Variants in ARHGAP40 observed in about 807,000 individuals in gnomAD.
ARHGAP40 encodes the protein rho GTPase-activating protein 40.
ARHGAP40 carries 43 observed loss-of-function variants against 73.5 expected under a neutral mutation model. The ratio of observed to expected loss-of-function variants is 0.58; its 90% CI spans 0.46 to 0.75. ARHGAP40 has a LOEUF of 0.75. ARHGAP40 is among the 30% of genes least tolerant of loss of function. ARHGAP40 has a pLI of 0.00. For missense variants in ARHGAP40, 734 were observed against 861.8 expected, an observed-to-expected ratio of 0.85 and a Z score of 1.86; for synonymous variants, 300 against 352.8, an observed-to-expected ratio of 0.85 and a Z score of 1.68.
intron 1 of ARHGAP40, among the ~76,000 whole-genome samples, chr20:38,611,763 A>C (rs2088806462): frequency 6.7e-6 from 1 of 150,238 alleles, no homozygotes; most frequent in Admixed American, 6.6e-5. Flanking sequence ...TTTAGTAGAG[A>C]TAGGGTTTCA....
At chr20:38,641,100 G>A (rs117258249) in intron 9 of ARHGAP40, among the ~76,000 whole-genome samples, 7,763 of 151,756 alleles carry the variant, frequency 0.051, 273 homozygotes, top group Middle Eastern at 0.16. Flanking sequence ...AGGGAGGGAG[G>A]AAGGAAGGAA....
At position 38,646,432 on chromosome 20, in the gene ARHGAP40, C is replaced by T. The variant is rs529209175; in HGVS notation, c.1710+245C>T. Among the ~76,000 whole-genome samples, 6 of 152,162 alleles carry T rather than the reference C, an allele frequency of 3.9e-5. No individual in the cohort carries two copies. Among genetic ancestry groups the T allele is most frequent in the African/African-American group, 1.4e-4 (6 of 41,438 alleles). ...GGAGACTTCCCCTAGAAACCGTCACCGCCGCCCCATTTTTCGGCAGCCCCT... is the reference window on the plus strand; with the variant it reads ...GGAGACTTCCCCTAGAAACCGTCACTGCCGCCCCATTTTTCGGCAGCCCCT... On this transcript the variant is annotated intron_variant, in intron 12 of 14. Transcript: ENST00000373345. The surrounding 1 kb of genome is among the most constrained non-coding windows in gnomAD (Gnocchi z 4.5).
At chr20:38,644,023 C>T (rs2089036515) in intron 11 of ARHGAP40, 113 bp downstream of exon 11, 1 of 956,736 alleles carries the variant, frequency 1.0e-6, no homozygotes, top group South Asian at 1.7e-5. Flanking sequence ...CTTCCAGGAC[C>T]TTTGTTGGCC....
At chr20:38,618,421 T>C (rs1271302952) in intron 1 of ARHGAP40, among the ~76,000 whole-genome samples, 1 of 152,142 alleles carries the variant, frequency 6.6e-6, no homozygotes, top group African/African-American at 2.4e-5. Context: ...GTTCTTGACT[T>C]CTAAATTTAC....
At chr20:38,616,223 C>A (rs2088837261) in intron 1 of ARHGAP40, among the ~76,000 whole-genome samples, 1 of 152,258 alleles carries the variant, frequency 6.6e-6, no homozygotes, top group South Asian at 2.1e-4. Context: ...CTCACCTTCC[C>A]CCAGATTCCC....
chr20:38,610,251 C>T (rs6123881), intron 1 of ARHGAP40, among the ~76,000 whole-genome samples: 94,286 of 151,200 alleles, frequency 0.62, 33,387 homozygotes, highest in East Asian at 0.86. Context: ...ACTGTGCCAC[C>T]CCCCTACCCC....
In ARHGAP40 at chr20:38,615,102, G is replaced by A. The variant is rs970222453; in HGVS notation, c.138-8257G>A. ...AGACACTCGGAGTTTGGCTATACGA[G>A]TGTCCCATATATCCTTGACCAGGGT... On this transcript the variant is annotated intron_variant, in intron 1 of 14. Coordinates refer to ENST00000373345, the Ensembl canonical transcript of ARHGAP40. The A allele has an allele frequency of 1.7e-5, 16 of 942,884 alleles. No homozygotes were observed. In the East Asian group the frequency reaches 3.8e-4, roughly 22 times the overall value. 58.4% of individuals were successfully genotyped at this position (942,884 alleles called of 1,614,324 possible). A position where few individuals can be genotyped will look rare whatever the true frequency, so the allele number is the denominator to read the frequency against.
chr20:38,608,556 A>C (rs187079646), intron 1 of ARHGAP40, among the ~76,000 whole-genome samples: 1 of 152,282 alleles, frequency 6.6e-6, no homozygotes, highest in East Asian at 1.9e-4. Flanking sequence ...TCTGTATACT[A>C]TCACACAATC....
chr20:38,624,183 A>G (rs1226715909), intron 2 of ARHGAP40, among the ~76,000 whole-genome samples: 1 of 152,116 alleles, frequency 6.6e-6, no homozygotes. Flanking sequence ...AAGATTTCTC[A>G]TCTATGTGCC....
At chr20:38,609,766 G>A (rs1344814682) in intron 1 of ARHGAP40, among the ~76,000 whole-genome samples, 1 of 152,226 alleles carries the variant, frequency 6.6e-6, no homozygotes, top group Non-Finnish European at 1.5e-5. Context: ...GAGGGAGCCT[G>A]GTGCCTCTGA....
rs903308398 is a variant in ARHGAP40, at chr20:38,629,419, G to T, written c.635-83G>T. On this transcript the variant is annotated intron_variant, in intron 4 of 14. Transcript: ENST00000373345. ...TGGGAGCTCACTTCTTAGGACTAAG[G>T]GCCTAAGTCCCGAACCCAAGCACTT... 1.5e-5 allele frequency: 19 copies of T among 1,264,780 alleles called. No individual in the cohort carries two copies. The Middle Eastern group carries it at 6.8e-4, about 45-fold the overall frequency. The allele number at this position is 1,264,780 out of a possible 1,614,324, so 78.3% of individuals were successfully genotyped here.
intron 5 of ARHGAP40, among the ~76,000 whole-genome samples, chr20:38,633,564 A>T (rs1255207187): frequency 6.6e-6 from 1 of 152,180 alleles, no homozygotes; most frequent in Non-Finnish European, 1.5e-5. Context: ...ATTTGCGTGC[A>T]CTCACAGGTA....
rs2089059422 is a variant in ARHGAP40, at chr20:38,647,124, AC to A, written c.1879del (p.His627ThrfsTer31). The A allele has an allele frequency of 7.7e-7, 1 of 1,303,868 alleles. No homozygotes were observed. Among genetic ancestry groups the A allele is most frequent in the African/African-American group, 1.5e-5 (1 of 65,818 alleles). 80.8% of individuals were successfully genotyped at this position (1,303,868 alleles called of 1,614,324 possible). On this transcript the variant is annotated frameshift_variant and splice_region_variant, in exon 13 of 15. Transcript: ENST00000373345. LOFTEE classifies it high-confidence loss of function. ...GTGAGGACATGGACAGCCTCCTTCT[AC>A]AGTAAGAGGCACCTCCTGGAGGCAG...
At position 38,643,927 on chromosome 20, in the gene ARHGAP40, G is replaced by A. The variant is rs754601176; in HGVS notation, c.1569+17G>A. The A allele has an allele frequency of 1.3e-4, 162 of 1,282,970 alleles. No homozygotes were observed. Among genetic ancestry groups the A allele is most frequent in the South Asian group, 2.3e-4 (18 of 77,596 alleles). The allele number at this position is 1,282,970 out of a possible 1,614,324, so 79.5% of individuals were successfully genotyped here. ...CTGTGGACGGTGAGTGCTGCTGGGC[G>A]CTGGGTATCCCTCTGGGTGCAGCTG... is the stretch of plus-strand genomic sequence containing the variant. On this transcript the variant is annotated intron_variant, in intron 11 of 14. Transcript: ENST00000373345.
chr20:38,632,125 A>G (rs940873484), intron 5 of ARHGAP40, among the ~76,000 whole-genome samples: 10 of 151,648 alleles, frequency 6.6e-5, no homozygotes, highest in Non-Finnish European at 1.5e-4. Flanking sequence ...TACCACACCC[A>G]GCTAATTTTT....
intron 3 of ARHGAP40, 134 bp downstream of exon 3, chr20:38,627,349 G>A: frequency 1.2e-6 from 1 of 826,762 alleles, no homozygotes; most frequent in Non-Finnish European, 1.7e-6. Context: ...TGTGGGTGTT[G>A]GTATGTGTGT....
chr20:38,628,828 C>G (rs1399473718), intron 3 of ARHGAP40, 99 bp from the exon 4 acceptor site: 2 of 843,266 alleles, frequency 2.4e-6, no homozygotes, highest in Non-Finnish European at 3.3e-6. Context: ...GTGGCTCCAT[C>G]TGTGAAAAGG....
At chr20:38,618,818 A>G (rs1450239286) in intron 1 of ARHGAP40, among the ~76,000 whole-genome samples, 1 of 152,316 alleles carries the variant, frequency 6.6e-6, no homozygotes, top group Middle Eastern at 3.4e-3. Context: ...GACCAGACAG[A>G]GAAGTCTCAT....
At chr20:38,610,742 T>G (rs945968884) in intron 1 of ARHGAP40, among the ~76,000 whole-genome samples, 1 of 152,204 alleles carries the variant, frequency 6.6e-6, no homozygotes, top group African/African-American at 2.4e-5. Flanking sequence ...GAGAAGGAAG[T>G]CTGTTAACCA....
Sources: gnomAD v4.1 joint callset for allele counts (sites outside exome capture counted in the v4.1 genomes callset) on GRCh38, gnomAD v4.1.1 for gene constraint, Gnocchi (gnomAD v3.1) non-coding constraint, MANE v1.5 for transcripts, NCBI Gene and HGNC (gene_info 2026-07-23, HGNC 2026-07-21) for gene names.